MDM2: variants seen among roughly 807,000 people sequenced by gnomAD.
The protein encoded by MDM2 is MDM2 proto-oncogene.
In MDM2, 11 loss-of-function variants were observed where a neutral mutation model predicts 64.3. The observed-to-expected ratio is 0.17, with a 90% confidence interval of 0.11 to 0.28. MDM2 has a LOEUF of 0.28. MDM2 is among the 10% of genes least tolerant of loss of function. The pLI is 1.00. For synonymous variants in MDM2, 194 were observed against 192.9 expected, an observed-to-expected ratio of 1.01 and a Z score of -0.05; for missense variants, 388 against 577.1, an observed-to-expected ratio of 0.67 and a Z score of 3.36.
chr12:68,830,669 C>A (rs552751768), intron 8 of MDM2, among the ~76,000 whole-genome samples: 12 of 152,186 alleles, frequency 7.9e-5, no homozygotes, highest in African/African-American at 2.9e-4. Context: ...GAGTATCCAA[C>A]CTACAAGTTT....
chr12:68,820,897 G>A (rs1325646493), intron 5 of MDM2, among the ~76,000 whole-genome samples: 2 of 152,134 alleles, frequency 1.3e-5, no homozygotes, highest in East Asian at 3.9e-4. Context: ...AGATGCACAT[G>A]TATATATACA....
At chr12:68,836,817 A>G (rs1459597256) in intron 10 of MDM2, 68 bp downstream of exon 10, 4 of 932,270 alleles carry the variant, frequency 4.3e-6, no homozygotes, top group Non-Finnish European at 6.8e-6. Flanking sequence ...GACTATATCT[A>G]GCTTCTTTCT....
At chr12:68,810,100 TGAG>T (rs1316538681) in intron 2 of MDM2, among the ~76,000 whole-genome samples, 2 of 152,074 alleles carry the variant, frequency 1.3e-5, no homozygotes, top group Non-Finnish European at 2.9e-5. Context: ...TCACCTGAGA[TGAG>T]GAGTTCAAGA....
intron 4 of MDM2, among the ~76,000 whole-genome samples, chr12:68,818,758 A>AT (rs528792035): frequency 8.0e-4 from 120 of 149,622 alleles, no homozygotes; most frequent in African/African-American, 2.2e-3. Flanking sequence ...TGAATCTTCT[A>AT]TTTTTTTTCT....
intron 10 of MDM2, 97 bp downstream of exon 10, chr12:68,836,846 TAAAGTTAAAATG>T: frequency 1.3e-6 from 1 of 767,762 alleles, no homozygotes; most frequent in Non-Finnish European, 2.2e-6. Flanking sequence ...CTGATTTTTA[TAAAGTTAAAATG>T]TTTTTGTAAA....
At chr12:68,830,315 CT>C (rs755581488) in intron 8 of MDM2, among the ~76,000 whole-genome samples, 2 of 152,134 alleles carry the variant, frequency 1.3e-5, no homozygotes, top group South Asian at 2.1e-4. Context: ...CCTGTATTAT[CT>C]TTTTTTCTCT....
chr12:68,810,471 A>T (rs1196336), intron 2 of MDM2, among the ~76,000 whole-genome samples: 61,081 of 151,052 alleles, frequency 0.4, 12,792 homozygotes, highest in African/African-American at 0.47. Flanking sequence ...TATTATTATT[A>T]TTTTTTTTGA....
intron 2 of MDM2, among the ~76,000 whole-genome samples, chr12:68,810,947 C>G (rs1402406966): frequency 2.0e-5 from 3 of 151,946 alleles, no homozygotes. Flanking sequence ...CTCATTGCAA[C>G]CTCTGCCTCA....
intron 8 of MDM2, among the ~76,000 whole-genome samples, chr12:68,831,651 C>G (rs1592592671): frequency 6.6e-6 from 1 of 152,282 alleles, no homozygotes; most frequent in East Asian, 1.9e-4. Flanking sequence ...AAAAACCTTC[C>G]AAGGACCACT....
Position 68,809,303 on chromosome 12 carries a change from T to C in MDM2, c.99+11T>C. ...GAACAAGAGACCCTGGTTAGTATTT[T>C]TGTCTCGTGTAACTTTTAAGAATAA... On this transcript the variant is annotated intron_variant, in intron 2 of 10. Coordinates refer to ENST00000258149, the MANE Select transcript of MDM2 (RefSeq NM_002392.6). The C allele has an allele frequency of 6.2e-7, 1 of 1,610,252 alleles. No individual in the cohort carries two copies.
At position 68,839,569 on chromosome 12, in the gene MDM2, C is replaced by G; in HGVS notation, c.1214C>G (p.Thr405Ser). Residue 405 changes from threonine (T) to serine (S), a missense_variant, in exon 11 of 11, where the codon ACT becomes AGT. By Grantham distance (58) the Thr-to-Ser change is moderately conservative. This residue lies in a region of MDM2 where 138 missense variants were observed against 143.7 expected (regional missense o/e 0.96). Coordinates refer to ENST00000258149, the MANE Select transcript of MDM2 (RefSeq NM_002392.6). Reference sequence around the variant, plus strand: ...AGTGAAGACTATTCTCAGCCATCAACTTCTAGTAGCATTATTTATAGCAGC... The same window carrying G: ...AGTGAAGACTATTCTCAGCCATCAAGTTCTAGTAGCATTATTTATAGCAGC... ...QESEDYSQPSTSSSIIYSSQE... is the reference protein window; with the variant it reads ...QESEDYSQPSSSSSIIYSSQE... The G allele has an allele frequency of 6.2e-7, 1 of 1,613,590 alleles. No homozygotes were observed. Among genetic ancestry groups the G allele is most frequent in the Non-Finnish European group, 8.5e-7 (1 of 1,180,000 alleles).
chr12:68,825,818 C>A (rs1882270675), intron 7 of MDM2, among the ~76,000 whole-genome samples: 1 of 152,084 alleles, frequency 6.6e-6, no homozygotes. Flanking sequence ...TGAACCCAGA[C>A]CAGAATCTCG....
At chr12:68,825,172 G>A (rs1477231194) in intron 7 of MDM2, among the ~76,000 whole-genome samples, 1 of 152,190 alleles carries the variant, frequency 6.6e-6, no homozygotes, top group Non-Finnish European at 1.5e-5. Context: ...TTGCGCCACT[G>A]CACTCCAGCC....
chr12:68,824,728 CTTAA>C lies in MDM2; in HGVS notation c.523+82_523+85del, dbSNP rs1202999496. The C allele has an allele frequency of 6.3e-6, 6 of 947,916 alleles. No homozygotes were observed. In the African/African-American group the frequency reaches 8.4e-5, roughly 13 times the overall value. 58.7% of individuals were successfully genotyped at this position (947,916 alleles called of 1,614,324 possible). ...CTCTAATGAAATTAGTGCTTTTAGA[CTTAA>C]TTAAATTGTTCCCTTTTTTTGGTTG... On this transcript the variant is annotated intron_variant, in intron 7 of 10. Transcript: ENST00000258149.
At chr12:68,833,403 TATAA>T (rs1223786818) in intron 8 of MDM2, among the ~76,000 whole-genome samples, 58 of 129,272 alleles carry the variant, frequency 4.5e-4, no homozygotes, top group Non-Finnish European at 7.1e-4. Flanking sequence ...TTTATATAAA[TATAA>T]ATATATATTT....
Position 68,844,652 on chromosome 12 carries a change from A to C in MDM2, c.*4803A>C. 1 of 225,440 alleles carries C rather than the reference A, an allele frequency of 4.4e-6. No homozygotes were observed. The highest frequency in any genetic ancestry group is 8.8e-6 in the Non-Finnish European group (1 of 113,680). 14.0% of individuals were successfully genotyped at this position (225,440 alleles called of 1,614,324 possible). A position where few individuals can be genotyped will look rare whatever the true frequency, so the allele number is the denominator to read the frequency against. ...AGGCACAAATGTAAGTACATCAGAAAAAAACAAAAAAACTGGCTTTAAAGC... is the reference window on the plus strand; with the variant it reads ...AGGCACAAATGTAAGTACATCAGAACAAAACAAAAAAACTGGCTTTAAAGC... On this transcript the variant is annotated 3_prime_UTR_variant, in exon 11 of 11. Transcript: ENST00000258149.
In MDM2 at chr12:68,813,610, C is replaced by G. The variant is rs563762756; in HGVS notation, c.156C>G (p.Asp52Glu). 1 of 1,612,846 alleles carries G rather than the reference C, an allele frequency of 6.2e-7. No individual in the cohort carries two copies. The highest frequency in any genetic ancestry group is 1.7e-5 in the Admixed American group (1 of 59,968). Reference sequence around the variant, plus strand: ...TAAAGTCTGTTGGTGCACAAAAAGACACTTATACTATGAAAGAGGTAAGCT... The same window carrying G: ...TAAAGTCTGTTGGTGCACAAAAAGAGACTTATACTATGAAAGAGGTAAGCT... The part of the protein sequence containing the change: ...KLLKSVGAQK[D>E]TYTMKEVLFY... The change falls in exon 3 of 11, where the codon GAC (aspartate) becomes GAG (glutamate). Residue 52 changes from aspartate (D) to glutamate (E), a missense_variant. This residue lies in a region of MDM2 where 24 missense variants were observed against 87.8 expected (regional missense o/e 0.27). Coordinates refer to ENST00000258149, the MANE Select transcript of MDM2 (RefSeq NM_002392.6).
At chr12:68,828,560 C>T (rs1663583) in intron 7 of MDM2, 6,439 of 441,276 alleles carry the variant, frequency 0.015, 68 homozygotes, top group African/African-American at 0.028. Context: ...GGTGACAGAG[C>T]AAGACCCTTT....
intron 4 of MDM2, 113 bp from the exon 5 acceptor site, chr12:68,820,212 G>A (rs2136128039): frequency 1.4e-6 from 1 of 732,788 alleles, no homozygotes; most frequent in Non-Finnish European, 2.3e-6. Context: ...TTTTGAATGT[G>A]TGCAGTAGTT....
Sources: allele counts gnomAD v4.1 joint callset (sites outside exome capture counted in the v4.1 genomes callset), GRCh38; gene constraint gnomAD v4.1.1; regional missense constraint gnomAD v4.1.1; transcripts MANE v1.5; gene names NCBI Gene and HGNC (gene_info 2026-07-23, HGNC 2026-07-21).